SDK1: variants seen among roughly 807,000 people sequenced by gnomAD.
The protein encoded by SDK1 is protein sidekick-1.
SDK1 carries 157 observed loss-of-function variants against 245.5 expected under a neutral mutation model. That is an observed-to-expected ratio of 0.64 (90% CI 0.56 to 0.73). The LOEUF (loss-of-function observed/expected upper bound fraction) is 0.73. SDK1 is among the 30% of genes least tolerant of loss of function. The pLI is 0.00. For synonymous variants in SDK1, 1,647 were observed against 1,278.5 expected (o/e 1.29, Z -6.15); for missense variants, 3,583 against 3,002.3 (o/e 1.19, Z -4.52).
intron 1 of SDK1, chr7:3,338,640 A>C (rs934384525): frequency 1.9e-4 from 37 of 196,510 alleles, no homozygotes; most frequent in East Asian, 3.8e-4. Context: ...ACAAAAAAAA[A>C]CACCAAAACA....
chr7:4,028,973 C>G (rs923297490), intron 17 of SDK1, among the ~76,000 whole-genome samples: 3 of 152,044 alleles, frequency 2.0e-5, no homozygotes, highest in African/African-American at 7.3e-5. Flanking sequence ...CCTGTAATTC[C>G]TGTAATTCCC....
chr7:4,199,857 CAAAT>C (rs1175058059), intron 35 of SDK1, among the ~76,000 whole-genome samples: 1 of 152,192 alleles, frequency 6.6e-6, no homozygotes, highest in East Asian at 1.9e-4. Context: ...GCGAACCACT[CAAAT>C]TAACCCATGC....
At chr7:3,825,962 C>T (rs1779764569) in intron 5 of SDK1, among the ~76,000 whole-genome samples, 1 of 152,174 alleles carries the variant, frequency 6.6e-6, no homozygotes, top group African/African-American at 2.4e-5. Flanking sequence ...TAGAACCAAG[C>T]ATAGTTTTAT....
In SDK1 at chr7:4,194,856, G is replaced by A. The variant is rs141566197; in HGVS notation, c.5099-11023G>A. Among the ~76,000 whole-genome samples the A allele has an allele frequency of 9.7e-3, 1,476 of 152,212 alleles. 25 individuals are homozygous for A. Among genetic ancestry groups the A allele is most frequent in the African/African-American group, 0.034 (1,396 of 41,530 alleles). ...TTGAATCCTTCAATCCAATCAAGTT[G>A]ACACTCAGTATTAACCATCACAATG... On this transcript the variant is annotated intron_variant, in intron 35 of 44. Transcript: ENST00000404826.
At chr7:3,987,041 G>A (rs139009422) in intron 13 of SDK1, 145 bp from the exon 14 acceptor site, 1 of 744,736 alleles carries the variant, frequency 1.3e-6, no homozygotes, top group Non-Finnish European at 2.2e-6. Context: ...GGGGGGAAGA[G>A]AGTTAATATT....
chr7:3,549,459 T>C (rs1312375627), intron 1 of SDK1, among the ~76,000 whole-genome samples: 1 of 152,084 alleles, frequency 6.6e-6, no homozygotes. Context: ...TAAATATCCA[T>C]GTGCCAAAGG....
At chr7:3,666,521 G>A (rs1783538046) in intron 4 of SDK1, among the ~76,000 whole-genome samples, 1 of 152,126 alleles carries the variant, frequency 6.6e-6, no homozygotes, top group Non-Finnish European at 1.5e-5. Context: ...GTTTCCCTGG[G>A]GTCTGGCGAC....
In SDK1 at chr7:4,017,178, C is replaced by G. The variant is rs748448203; in HGVS notation, c.2428C>G (p.Leu810Val). The stretch of plus-strand genomic sequence containing the variant: ...GCTTCCTTCGTGGCGCAGGTACCGC[C>G]TGGCTGGCCTTCCCGGAGAGTACCA... ...VLRGYILRYR[L>V]AGLPGEYQQR... The change falls in exon 17 of 45, where the codon CTG becomes GTG. Residue 810 changes from leucine to valine, a missense_variant. Coordinates refer to ENST00000404826, the MANE Select transcript of SDK1 (RefSeq NM_152744.4). The G allele has an allele frequency of 1.2e-6, 2 of 1,610,616 alleles. No individual in the cohort carries two copies. The highest frequency in any genetic ancestry group is 1.7e-6 in the Non-Finnish European group (2 of 1,178,266).
chr7:3,959,750 A>G (rs1372352126), intron 8 of SDK1, among the ~76,000 whole-genome samples: 1 of 151,352 alleles, frequency 6.6e-6, no homozygotes, highest in Admixed American at 6.6e-5. Flanking sequence ...ACACCCTTTT[A>G]TTCTTTTTTG....
At chr7:3,351,635 CAT>C (rs1780662737) in intron 1 of SDK1, among the ~76,000 whole-genome samples, 2 of 152,056 alleles carry the variant, frequency 1.3e-5, no homozygotes, top group Admixed American at 1.3e-4. Flanking sequence ...GCTGGTATAA[CAT>C]GTTGATATCA....
intron 4 of SDK1, among the ~76,000 whole-genome samples, chr7:3,706,436 C>T (rs1258104942): frequency 6.6e-6 from 1 of 152,156 alleles, no homozygotes; most frequent in Admixed American, 6.5e-5. Context: ...GAGTCTTGCT[C>T]TGTCACCCAG....
chr7:3,998,086 A>C (rs1385363012), intron 14 of SDK1, among the ~76,000 whole-genome samples: 6 of 152,114 alleles, frequency 3.9e-5, no homozygotes, highest in African/African-American at 1.4e-4. Context: ...CAAGAGCACA[A>C]GGAGGCTAGG....
intron 1 of SDK1, among the ~76,000 whole-genome samples, chr7:3,498,253 C>T (rs1782085286): frequency 1.3e-5 from 2 of 152,192 alleles, no homozygotes; most frequent in Admixed American, 1.3e-4. Context: ...CATGTGTACT[C>T]ATAGACATAG....
intron 24 of SDK1, 88 bp from the exon 25 acceptor site, chr7:4,113,949 G>C (rs1783523383): frequency 2.1e-6 from 2 of 964,918 alleles, no homozygotes; most frequent in African/African-American, 3.2e-5. Context: ...CCACGGAGTT[G>C]GCCTCACAGG....
At position 4,132,236 on chromosome 7, in the gene SDK1, G is replaced by C. The variant is rs1221329787; in HGVS notation, c.4130-89G>C. The C allele has an allele frequency of 2.9e-6, 3 of 1,043,170 alleles. No homozygotes were observed. In the African/African-American group the frequency reaches 4.7e-5, roughly 16 times the overall value. The allele number at this position is 1,043,170 out of a possible 1,614,324, so 64.6% of individuals were successfully genotyped here. A position where few individuals can be genotyped will look rare whatever the true frequency, so the allele number is the denominator to read the frequency against. ...AGTGTAGCCTGTGGTAGTTACTGCAGCCAGCTGACCCTCGGAATCCTGTGT... is the reference window on the plus strand; with the variant it reads ...AGTGTAGCCTGTGGTAGTTACTGCACCCAGCTGACCCTCGGAATCCTGTGT... On this transcript the variant is annotated intron_variant, in intron 27 of 44. Transcript: ENST00000404826.
chr7:3,387,720 A>G lies in SDK1; in HGVS notation c.298+85836A>G, dbSNP rs539970044. Among the ~76,000 whole-genome samples, 79 of 152,322 alleles carry G rather than the reference A, an allele frequency of 5.2e-4. 3 individuals are homozygous for G. In the South Asian group the frequency reaches 0.015, roughly 29 times the overall value. ...TGTACATTTAATGTTTAAGGTGGTAATCTTTTGTTACCTGTCTATTACCAC... is the reference window on the plus strand; with the variant it reads ...TGTACATTTAATGTTTAAGGTGGTAGTCTTTTGTTACCTGTCTATTACCAC... On this transcript the variant is annotated intron_variant, in intron 1 of 44. Coordinates refer to ENST00000404826, the MANE Select transcript of SDK1 (RefSeq NM_152744.4).
At chr7:3,737,872 G>A (rs929555106) in intron 4 of SDK1, among the ~76,000 whole-genome samples, 2 of 152,180 alleles carry the variant, frequency 1.3e-5, no homozygotes, top group African/African-American at 4.8e-5. Context: ...CCAGACTGGG[G>A]AGGGGCAGCA....
intron 5 of SDK1, among the ~76,000 whole-genome samples, chr7:3,916,937 G>A (rs1418757566): frequency 6.6e-6 from 1 of 152,190 alleles, no homozygotes; most frequent in Non-Finnish European, 1.5e-5. Flanking sequence ...CAGACTCATA[G>A]TATAAAGTTG....
chr7:4,123,718 T>A (rs977874160), intron 25 of SDK1, among the ~76,000 whole-genome samples: 8 of 152,230 alleles, frequency 5.3e-5, no homozygotes, highest in South Asian at 2.1e-4. Flanking sequence ...GCTGGCATTA[T>A]CTCCCTCCAA....
Sources: gnomAD v4.1 joint callset for allele counts (sites outside exome capture counted in the v4.1 genomes callset) on GRCh38, gnomAD v4.1.1 for gene constraint, MANE v1.5 for transcripts, NCBI Gene and HGNC (gene_info 2026-07-23, HGNC 2026-07-21) for gene names.